Variants in MOV10 observed in about 807,000 individuals in gnomAD.
MOV10 encodes RNA helicase MOV-10.
A neutral mutation model predicts 108.4 loss-of-function variants in MOV10; 39 were observed. That is an observed-to-expected ratio of 0.36 (90% CI 0.28 to 0.47). The LOEUF (loss-of-function observed/expected upper bound fraction) is 0.47. Among genes scored for constraint, MOV10 ranks in the 20% least tolerant of loss-of-function variants. The pLI is 1.00. For synonymous variants in MOV10, 490 were observed against 523.1 expected, an observed-to-expected ratio of 0.94 and a Z score of 0.86; for missense variants, 952 against 1,297.6, an observed-to-expected ratio of 0.73 and a Z score of 4.09.
chr1:112,698,660 C>T (rs1475956828), intron 16 of MOV10, 55 bp from the exon 17 acceptor site: 1 of 1,568,246 alleles, frequency 6.4e-7, no homozygotes, highest in Non-Finnish European at 8.8e-7. Context: ...CTGCCAGGCT[C>T]CCTCTTGCAT....
rs142947718 is a variant in MOV10, at chr1:112,674,924, G to A, written c.12G>A (p.Lys4=). Residue 4 remains lysine (K), a synonymous_variant, in exon 2 of 21, where the codon AAG becomes AAA. Transcript: ENST00000369645. MPS[K]FSCRQLREAG... is the part of the protein sequence containing the mutation. ...CAGCCGCCGCCGCGATGCCCAGTAA[G>A]TTCAGCTGCCGGCAGCTCCGGGAGG... The A allele has an allele frequency of 2.7e-4, 427 of 1,584,344 alleles. No individual in the cohort carries two copies. The highest frequency in any genetic ancestry group is 3.4e-4 in the Non-Finnish European group (401 of 1,166,424).
chr1:112,682,719 A>G (rs961845638), intron 2 of MOV10, among the ~76,000 whole-genome samples: 1 of 152,184 alleles, frequency 6.6e-6, no homozygotes, highest in East Asian at 1.9e-4. Flanking sequence ...TAATGGAATC[A>G]TATAGTATGT....
At chr1:112,691,823 C>T (rs1382821452) in intron 6 of MOV10, 24 bp downstream of exon 6, 8 of 1,602,212 alleles carry the variant, frequency 5.0e-6, no homozygotes, top group East Asian at 2.2e-5. Context: ...CTCTGCACCC[C>T]GCACTCTCCC....
At position 112,698,588 on chromosome 1, in the gene MOV10, G is replaced by A. The variant is rs534819391; in HGVS notation, c.2508+110G>A. 1,948 of 1,438,818 alleles carry A rather than the reference G, an allele frequency of 1.4e-3. 3 individuals are homozygous for A. Among genetic ancestry groups the A allele is most frequent in the Non-Finnish European group, 1.4e-3 (1,423 of 1,034,150 alleles). The allele number at this position is 1,438,818 out of a possible 1,614,324, so 89.1% of individuals were successfully genotyped here. ...AGGAGCTTAGGCCTCTGCTGGCTCC[G>A]TATCTCAGAAGAGCACCAAGGTCAG... On this transcript the variant is annotated intron_variant, in intron 16 of 20. Coordinates refer to ENST00000369645, the MANE Select transcript of MOV10 (RefSeq NM_001321324.2).
At chr1:112,699,556 C>CTGGTTCACTCACTG in intron 17 of MOV10, 129 bp from the exon 18 acceptor site, 2 of 1,519,202 alleles carry the variant, frequency 1.3e-6, no homozygotes, top group Non-Finnish European at 8.8e-7. Flanking sequence ...TGTCGCAGCA[C>CTGGTTCACTCACTG]TGGTTCACTC....
rs780954312 is a variant in MOV10, at chr1:112,698,376, A to G, written c.2406A>G (p.Thr802=). 10 of 1,614,220 alleles carry G rather than the reference A, an allele frequency of 6.2e-6. No homozygotes were observed. Among genetic ancestry groups the G allele is most frequent in the Non-Finnish European group, 8.5e-6 (10 of 1,180,022 alleles). ...PSFFNPEEAA[T]VTSYLKLLLA... The stretch of plus-strand genomic sequence containing the variant: ...TCTTCAACCCTGAAGAGGCTGCCAC[A>G]GTGACTTCCTACCTGAAGCTGCTCC... The change falls in exon 16 of 21, where the codon ACA becomes ACG. Residue 802 remains threonine, a synonymous_variant. Transcript: ENST00000369645.
At chr1:112,684,322 C>CCATT (rs1672901930) in intron 2 of MOV10, among the ~76,000 whole-genome samples, 1 of 136,780 alleles carries the variant, frequency 7.3e-6, no homozygotes, top group Non-Finnish European at 1.5e-5. Flanking sequence ...GGCTGGAGTG[C>CCATT]AATGGCGCGA....
intron 15 of MOV10, 59 bp downstream of exon 15, chr1:112,698,170 G>A (rs1674282357): frequency 3.1e-6 from 5 of 1,593,720 alleles, no homozygotes; most frequent in South Asian, 1.1e-5. Context: ...CACTGAAGGT[G>A]CAGCCCCTCC....
intron 3 of MOV10, 81 bp from the exon 4 acceptor site, chr1:112,689,334 C>A: frequency 7.1e-7 from 1 of 1,415,496 alleles, no homozygotes; most frequent in Non-Finnish European, 9.8e-7. Flanking sequence ...GCCTGCCTCC[C>A]AAGCCTAAAG....
At position 112,700,625 on chromosome 1, in the gene MOV10, A is replaced by C; in HGVS notation, c.*118A>C. On this transcript the variant is annotated 3_prime_UTR_variant, in exon 21 of 21. Transcript: ENST00000369645. Reference sequence around the variant, plus strand: ...AGGAAGGCTGGGGGAGGGAGTTTACAACCCAAGCCATTCCACCCCCTCCCC... The same window carrying C: ...AGGAAGGCTGGGGGAGGGAGTTTACCACCCAAGCCATTCCACCCCCTCCCC... 6.5e-7 allele frequency: 1 copy of C among 1,548,250 alleles called. No homozygotes were observed. Among genetic ancestry groups the C allele is most frequent in the Non-Finnish European group, 8.7e-7 (1 of 1,147,238 alleles).
rs761290706 is a variant in MOV10 at position 112,694,471 on chromosome 1, G to A, written c.1314G>A (p.Val438=). The A allele has an allele frequency of 1.2e-6, 2 of 1,613,956 alleles. No individual in the cohort carries two copies. The highest frequency in any genetic ancestry group is 2.7e-5 in the African/African-American group (2 of 74,936). Residue 438 remains valine (V), a synonymous_variant, in exon 9 of 21, where the codon GTG becomes GTA. Transcript: ENST00000369645. This position sits in a 1 kb window ranked among gnomAD's most constrained non-coding sequence, Gnocchi z 4.1. ...SFSMSLLSRF[V]DGLTFKVNFT... ...CCCAAAGCCTCCTGAGCCGCTTTGT[G>A]GATGGGCTGACCTTCAAGGTGAACT...
In MOV10 at chr1:112,696,514, A is replaced by C. The variant is rs1484957957; in HGVS notation, c.1961A>C (p.Glu654Ala). Residue 654 changes from glutamate (E) to alanine (A), a missense_variant, in exon 13 of 21, where the codon GAG becomes GCG. Transcript: ENST00000369645. ...GAGGCTGGCCACTGCATGGAGCCTGAGAGTCTGGTAGCTATAGCAGGTGAG... is the reference window on the plus strand; with the variant it reads ...GAGGCTGGCCACTGCATGGAGCCTGCGAGTCTGGTAGCTATAGCAGGTGAG... ...IDEAGHCMEP[E>A]SLVAIAGLME... The C allele has an allele frequency of 1.9e-6, 3 of 1,613,994 alleles. No homozygotes were observed. Among genetic ancestry groups the C allele is most frequent in the Non-Finnish European group, 8.5e-7 (1 of 1,179,876 alleles).
chr1:112,687,759 G>A (rs781318397), intron 2 of MOV10, among the ~76,000 whole-genome samples: 6 of 152,092 alleles, frequency 3.9e-5, no homozygotes, highest in African/African-American at 1.2e-4. Flanking sequence ...GTTCTCTGCC[G>A]TGTCAAAATC....
chr1:112,695,358 C>G, intron 10 of MOV10, 58 bp from the exon 11 acceptor site: 1 of 1,575,984 alleles, frequency 6.3e-7, no homozygotes, highest in Non-Finnish European at 8.6e-7. Flanking sequence ...CTGCCCCAGC[C>G]TGGGTACGGC....
At chr1:112,681,956 C>T (rs1307119861) in intron 2 of MOV10, among the ~76,000 whole-genome samples, 1 of 149,228 alleles carries the variant, frequency 6.7e-6, no homozygotes, top group Non-Finnish European at 1.5e-5. Flanking sequence ...AGTGCAATGG[C>T]GCAGTCTTGG....
rs543908883 is a variant in MOV10, at chr1:112,679,121, G to T, written c.137+4072G>T. 2.6e-5 allele frequency among the ~76,000 whole-genome samples: 4 copies of T among 152,208 alleles called. No individual in the cohort carries two copies. The South Asian group carries it at 8.3e-4, about 32-fold the overall frequency. ...ACTTCCAAATCTGATCATATGTGCT[G>T]AAATACCATTCCTCTAGCTTTTGGC... On this transcript the variant is annotated intron_variant, in intron 2 of 20. Coordinates refer to ENST00000369645, the MANE Select transcript of MOV10 (RefSeq NM_001321324.2).
chr1:112,689,395 T>G lies in MOV10; in HGVS notation c.342-20T>G. On this transcript the variant is annotated intron_variant, in intron 3 of 20. Transcript: ENST00000369645. Reference sequence around the variant, plus strand: ...AGACCGCTCCCACCCCAACCCCCCCTTGACTCCCCTTCTCCCCAGGGCTGA... The same window carrying G: ...AGACCGCTCCCACCCCAACCCCCCCGTGACTCCCCTTCTCCCCAGGGCTGA... 29 of 565,970 alleles carry G rather than the reference T, an allele frequency of 5.1e-5. No individual in the cohort carries two copies. Among genetic ancestry groups the G allele is most frequent in the Non-Finnish European group, 9.4e-5 (28 of 299,324 alleles). The allele number at this position is 565,970 out of a possible 1,614,324, so 35.1% of individuals were successfully genotyped here. A position where few individuals can be genotyped will look rare whatever the true frequency, so the allele number is the denominator to read the frequency against.
intron 2 of MOV10, among the ~76,000 whole-genome samples, chr1:112,683,400 GGTT>G (rs1672818738): frequency 6.6e-6 from 1 of 152,116 alleles, no homozygotes; most frequent in Non-Finnish European, 1.5e-5. Context: ...TGAGAGTTTG[GGTT>G]GTTGTATTTT....
At chr1:112,682,177 G>A (rs906746454) in intron 2 of MOV10, among the ~76,000 whole-genome samples, 2 of 152,214 alleles carry the variant, frequency 1.3e-5, no homozygotes, top group East Asian at 1.9e-4. Flanking sequence ...TTACAGGCGT[G>A]AGCCATCGCG....
Sources: gnomAD v4.1 joint callset for allele counts (sites outside exome capture counted in the v4.1 genomes callset) on GRCh38, gnomAD v4.1.1 for gene constraint, Gnocchi (gnomAD v3.1) non-coding constraint, MANE v1.5 for transcripts, NCBI Gene and HGNC (gene_info 2026-07-23, HGNC 2026-07-21) for gene names.